SLC4A5: variants seen among roughly 807,000 people sequenced by gnomAD.
The protein encoded by SLC4A5 is solute carrier family 4 member 5.
SLC4A5 carries 96 observed loss-of-function variants against 120.4 expected under a neutral mutation model. The observed-to-expected ratio is 0.80, with a 90% CI of 0.68 to 0.94. The LOEUF (loss-of-function observed/expected upper bound fraction) is 0.94. SLC4A5 is among the 40% of genes least tolerant of loss of function. The pLI, the probability that SLC4A5 is intolerant of heterozygous loss-of-function variation, is 0.00. For missense variants in SLC4A5, 1,259 were observed against 1,459.5 expected (o/e 0.86, Z 2.24); for synonymous variants, 550 against 571.1 (o/e 0.96, Z 0.53).
At chr2:74,323,594 T>C (rs528884789) in intron 5 of SLC4A5, among the ~76,000 whole-genome samples, 2 of 151,952 alleles carry the variant, frequency 1.3e-5, no homozygotes, top group African/African-American at 4.8e-5. Flanking sequence ...AAAAATGAAA[T>C]GTAAAAGATT....
chr2:74,328,272 C>T (rs1350546305), intron 4 of SLC4A5, 86 bp from the exon 5 acceptor site: 8 of 863,266 alleles, frequency 9.3e-6, no homozygotes, highest in African/African-American at 5.5e-5. Context: ...GGCTCAGTGG[C>T]GGCCAGCCAT....
intron 7 of SLC4A5, among the ~76,000 whole-genome samples, chr2:74,292,996 C>T (rs532787614): frequency 1.3e-5 from 2 of 148,174 alleles, no homozygotes; most frequent in South Asian, 2.1e-4. Context: ...GCCTGACACT[C>T]GGGAGTATAT....
At chr2:74,304,060 G>A (rs112598446) in intron 7 of SLC4A5, among the ~76,000 whole-genome samples, 4,805 of 151,860 alleles carry the variant, frequency 0.032, 264 homozygotes, top group African/African-American at 0.11. Flanking sequence ...CGTTTTAGCC[G>A]GGATGGTCTC....
At position 74,224,977 on chromosome 2, in the gene SLC4A5, C is replaced by T. The variant is rs144930405; in HGVS notation, c.3109G>A (p.Val1037Ile). ...AAGATGAAATCCAGAAGCCTTCGAA[C>T]GATGATGAGGCCCAGGATCTGTGGT... The change falls in exon 28 of 31, where the codon GTT (valine) becomes ATT (isoleucine). Residue 1037 changes from valine to isoleucine, a missense_variant. Val to Ile is a conservative substitution (Grantham distance 29). Coordinates refer to ENST00000394019, the Ensembl canonical transcript of SLC4A5. 2.5e-5 allele frequency: 40 copies of T among 1,613,924 alleles called. No homozygotes were observed. In the African/African-American group the frequency reaches 3.3e-4, roughly 13 times the overall value.
At chr2:74,301,917 G>C (rs1356485308) in intron 7 of SLC4A5, among the ~76,000 whole-genome samples, 4 of 152,102 alleles carry the variant, frequency 2.6e-5, no homozygotes, top group Admixed American at 6.5e-5. Flanking sequence ...GGGTAGAAAG[G>C]TTTTACTTGA....
chr2:74,306,724 C>A, intron 6 of SLC4A5: 2 of 1,209,838 alleles, frequency 1.7e-6, no homozygotes, highest in Non-Finnish European at 2.3e-6. Context: ...CTTCTGCTGG[C>A]TTAATGTCTC....
intron 29 of SLC4A5, 79 bp from the exon 30 acceptor site, chr2:74,221,580 T>C: frequency 1.4e-6 from 2 of 1,397,766 alleles, no homozygotes; most frequent in Non-Finnish European, 2.0e-6. Context: ...ACCATTTCCT[T>C]TCTTTTCCTT....
intron 10 of SLC4A5, among the ~76,000 whole-genome samples, chr2:74,262,551 T>C (rs1558884256): frequency 6.6e-6 from 1 of 151,286 alleles, no homozygotes; most frequent in Non-Finnish European, 1.5e-5. Context: ...ATACAAAAAA[T>C]AGCCAGGCAT....
intron 19 of SLC4A5, among the ~76,000 whole-genome samples, chr2:74,245,519 A>G (rs533756470): frequency 5.3e-5 from 8 of 152,322 alleles, no homozygotes; most frequent in African/African-American, 1.9e-4. Context: ...CAGAATGAAA[A>G]GGGCCTGCCT....
chr2:74,232,909 G>A (rs1490623187), intron 23 of SLC4A5, among the ~76,000 whole-genome samples: 1 of 152,194 alleles, frequency 6.6e-6, no homozygotes, highest in Non-Finnish European at 1.5e-5. Context: ...CTGGGGAGAA[G>A]GGCCCAGAAG....
intron 20 of SLC4A5, among the ~76,000 whole-genome samples, chr2:74,241,243 C>T (rs1301245217): frequency 4.0e-5 from 5 of 123,720 alleles, no homozygotes; most frequent in Non-Finnish European, 8.0e-5. Context: ...CCTTTGTGTG[C>T]GTGTCATATT....
intron 30 of SLC4A5, among the ~76,000 whole-genome samples, chr2:74,219,833 T>C (rs1454040562): frequency 1.3e-5 from 2 of 151,958 alleles, no homozygotes; most frequent in East Asian, 3.9e-4. Context: ...ACTGGGGAAG[T>C]GGGATGAGAA....
At chr2:74,294,429 C>T (rs1672267063) in intron 7 of SLC4A5, among the ~76,000 whole-genome samples, 1 of 152,140 alleles carries the variant, frequency 6.6e-6, no homozygotes, top group African/African-American at 2.4e-5. Context: ...AAAAATGTCA[C>T]CAAGAGTCTT....
At chr2:74,289,395 C>A (rs1376214020) in intron 7 of SLC4A5, among the ~76,000 whole-genome samples, 1 of 152,096 alleles carries the variant, frequency 6.6e-6, no homozygotes, top group Non-Finnish European at 1.5e-5. Context: ...TGGCTCACTG[C>A]AACCTCCACC....
intron 5 of SLC4A5, among the ~76,000 whole-genome samples, chr2:74,324,250 T>C (rs550301864): frequency 1.3e-5 from 2 of 152,318 alleles, no homozygotes; most frequent in African/African-American, 4.8e-5. Context: ...TCATAATACC[T>C]AGAAGGCTGC....
At chr2:74,226,628 T>C (rs182906717) in intron 27 of SLC4A5, among the ~76,000 whole-genome samples, 33 of 152,232 alleles carry the variant, frequency 2.2e-4, no homozygotes, top group African/African-American at 7.7e-4. Flanking sequence ...CTGAGACTGG[T>C]TGGAATTTTG....
exon 19 of SLC4A5, chr2:74,247,145 G>A (rs138603990): frequency 3.3e-5 from 53 of 1,614,200 alleles, no homozygotes; most frequent in Middle Eastern, 3.3e-4. Flanking sequence ...TGATGGCATC[G>A]TAGATGAAGA....
chr2:74,246,197 A>G (rs1029867201), intron 19 of SLC4A5, among the ~76,000 whole-genome samples: 1 of 152,230 alleles, frequency 6.6e-6, no homozygotes, highest in African/African-American at 2.4e-5. Context: ...ACTCCACAGG[A>G]GTGGCACTGG....
exon 22 of SLC4A5, chr2:74,235,187 T>C (rs778842440): frequency 1.9e-6 from 3 of 1,613,782 alleles, no homozygotes; most frequent in South Asian, 2.2e-5. Flanking sequence ...GAGAAAACAA[T>C]GGAAAAGTCA....
Sources: gnomAD v4.1 joint callset for allele counts (sites outside exome capture counted in the v4.1 genomes callset) on GRCh38, gnomAD v4.1.1 for gene constraint, MANE v1.5 for transcripts, NCBI Gene and HGNC (gene_info 2026-07-23, HGNC 2026-07-21) for gene names.